Variants in DSPP observed in about 807,000 individuals in gnomAD.
DSPP encodes dentin sialophosphoprotein.
DSPP carries 28 observed loss-of-function variants against 29.1 expected under a neutral mutation model. That is an observed-to-expected ratio of 0.96 (90% CI 0.71 to 1.32). The LOEUF (loss-of-function observed/expected upper bound fraction) is 1.32, where lower values mean the gene tolerates loss of function less well. Among genes scored for constraint, DSPP ranks in the 40% most tolerant of loss-of-function variants. The pLI is 0.00. For synonymous variants in DSPP, 481 were observed against 503.4 expected, an observed-to-expected ratio of 0.96 and a Z score of 0.60; for missense variants, 1,281 against 1,629.9, an observed-to-expected ratio of 0.79 and a Z score of 3.69.
At position 87,613,245 on chromosome 4, in the gene DSPP, A is replaced by G. The variant is rs1310735029; in HGVS notation, c.1059A>G (p.Lys353=). The change falls in exon 4 of 5, where the codon AAA becomes AAG. Residue 353 remains lysine (K), a synonymous_variant. Transcript: ENST00000651931. ...AGAAGCTCAACCATAGAGAAAGCAAACGCGTAGAAAATAGAATCACCAAAG... is the reference window on the plus strand; with the variant it reads ...AGAAGCTCAACCATAGAGAAAGCAAGCGCGTAGAAAATAGAATCACCAAAG... ...DTQKLNHRES[K]RVENRITKES... 2 of 1,613,884 alleles carry G rather than the reference A, an allele frequency of 1.2e-6. No homozygotes were observed. The highest frequency in any genetic ancestry group is 8.5e-7 in the Non-Finnish European group (1 of 1,180,014).
intron 4 of DSPP, 64 bp downstream of exon 4, chr4:87,613,372 C>T (rs950422218): frequency 6.4e-7 from 1 of 1,559,796 alleles, no homozygotes; most frequent in South Asian, 1.1e-5. Flanking sequence ...TCTATTGATG[C>T]TAGCACAAAA....
rs772815616 is a variant in DSPP, at chr4:87,614,113, A to G, written c.1451A>G (p.Asn484Ser). The change falls in exon 5 of 5, where the codon AAC becomes AGC. Residue 484 changes from asparagine to serine, a missense_variant. Asn to Ser is a conservative substitution (Grantham distance 46, BLOSUM62 1). This residue lies in a region of DSPP where 631 missense variants were observed against 643.2 expected (regional missense o/e 0.98). Coordinates refer to ENST00000651931, the MANE Select transcript of DSPP (RefSeq NM_014208.3). ...GATGCTAATTCAGAAAGTGACAATA[A>G]CAGCAGTAGCCGAGGAGATGCTTCT... ...NDDANSESDN[N>S]SSSRGDASYN... The G allele has an allele frequency of 2.5e-6, 4 of 1,614,268 alleles. No individual in the cohort carries two copies. In the Admixed American group the frequency reaches 6.7e-5, roughly 27 times the overall value.
chr4:87,613,383 A>C, intron 4 of DSPP, 75 bp downstream of exon 4: 1 of 1,530,034 alleles, frequency 6.5e-7, no homozygotes, highest in Non-Finnish European at 9.0e-7. Flanking sequence ...TAGCACAAAA[A>C]TAAACCATGA....
At chr4:87,608,906 T>C (rs559587941) in intron 1 of DSPP, among the ~76,000 whole-genome samples, 1 of 152,340 alleles carries the variant, frequency 6.6e-6, no homozygotes, top group Admixed American at 6.5e-5. Flanking sequence ...TTAGTTTTGA[T>C]AAAAAATGAG....
intron 1 of DSPP, among the ~76,000 whole-genome samples, chr4:87,610,409 C>T (rs1727711693): frequency 6.6e-6 from 1 of 152,104 alleles, no homozygotes; most frequent in Non-Finnish European, 1.5e-5. Context: ...GAATACAAAC[C>T]CCGTATTCTT....
chr4:87,610,325 G>T, intron 1 of DSPP, among the ~76,000 whole-genome samples: 1 of 152,182 alleles, frequency 6.6e-6, no homozygotes, highest in Non-Finnish European at 1.5e-5. Context: ...TCCAGGTGGA[G>T]GGATAATAAA....
chr4:87,611,898 A>T (rs1727740754), intron 2 of DSPP, among the ~76,000 whole-genome samples: 1 of 152,112 alleles, frequency 6.6e-6, no homozygotes, highest in African/African-American at 2.4e-5. Context: ...ATATCCATGT[A>T]CCCAGTTTAA....
rs905226892 is a variant in DSPP at position 87,612,425 on chromosome 4, G to A, written c.239G>A (p.Gly80Glu). ...ENTQDGHKGE[G>E]NGSKWAEVGG... ...ACCCAAGATGGTCACAAGGGAGAAG[G>A]GAATGGCTCTAAGTGGGCAGAAGTA... Residue 80 changes from glycine (G) to glutamate (E), a missense_variant, in exon 4 of 5, where the codon GGG (glycine) becomes GAG (glutamate). Physicochemically the swap from Gly to Glu is moderately conservative, Grantham distance 98 (BLOSUM62 -2). This residue lies in a region of DSPP where 631 missense variants were observed against 643.2 expected (regional missense o/e 0.98). Coordinates refer to ENST00000651931, the MANE Select transcript of DSPP (RefSeq NM_014208.3). 1 of 1,613,990 alleles carries A rather than the reference G, an allele frequency of 6.2e-7. No individual in the cohort carries two copies. The highest frequency in any genetic ancestry group is 8.5e-7 in the Non-Finnish European group (1 of 1,179,952).
Position 87,614,638 on chromosome 4 carries a change from G to T in DSPP, c.1976G>T (p.Ser659Ile), listed in dbSNP as rs1727818421. ...AGTGACAACAGTGATAGCAGCGACAGCAGCAATAGCAGTAACAGCAGTGAT... is the reference window on the plus strand; with the variant it reads ...AGTGACAACAGTGATAGCAGCGACATCAGCAATAGCAGTAACAGCAGTGAT... ...DSSDNSDSSDSSNSSNSSDSS... is the reference protein window; with the variant it reads ...DSSDNSDSSDISNSSNSSDSS... Residue 659 changes from serine to isoleucine, a missense_variant, in exon 5 of 5, where the codon AGC (serine) becomes ATC (isoleucine). Ser to Ile is a moderately radical substitution (Grantham distance 142, BLOSUM62 -2). This residue lies in a region of DSPP where 444 missense variants were observed against 611.4 expected (regional missense o/e 0.73). Transcript: ENST00000651931. 1.9e-6 allele frequency: 3 copies of T among 1,543,786 alleles called. No homozygotes were observed. In the African/African-American group the frequency reaches 4.1e-5, roughly 21 times the overall value.
rs1473938162 is a variant in DSPP, at chr4:87,615,671, C to T, written c.3009C>T (p.Ser1003=). Residue 1003 remains serine (S), a synonymous_variant, in exon 5 of 5, where the codon AGC becomes AGT. Coordinates refer to ENST00000651931, the MANE Select transcript of DSPP (RefSeq NM_014208.3). The part of the protein sequence containing the change: ...DSSDSSDSSN[S]SDSSDSSDSS... The stretch of plus-strand genomic sequence containing the variant: ...GTGACAGCAGTGATAGCAGCAACAG[C>T]AGTGATAGCAGTGACAGCAGTGACA... 3 of 1,536,290 alleles carry T rather than the reference C, an allele frequency of 2.0e-6. No homozygotes were observed. Among genetic ancestry groups the T allele is most frequent in the African/African-American group, 2.8e-5 (2 of 72,306 alleles).
rs1727828672 is a variant in DSPP, at chr4:87,614,795, C to G, written c.2133C>G (p.Asp711Glu). ...ATAGTAGTGACAGCAGTGATAGTGA[C>G]AGCAGTGATAGTAGTGACAGCAGTA... ...SSDSSDSSDS[D>E]SSDSSDSSNS... Residue 711 changes from aspartate (D) to glutamate (E), a missense_variant, in exon 5 of 5, where the codon GAC becomes GAG. Asp to Glu is a conservative substitution (Grantham distance 45). Coordinates refer to ENST00000651931, the MANE Select transcript of DSPP (RefSeq NM_014208.3). 1.3e-6 allele frequency: 2 copies of G among 1,550,226 alleles called. No homozygotes were observed. The highest frequency in any genetic ancestry group is 2.4e-5 in the East Asian group (1 of 40,852).
Position 87,614,251 on chromosome 4 carries a change from G to T in DSPP, c.1589G>T (p.Gly530Val). 6.2e-7 allele frequency: 1 copy of T among 1,614,236 alleles called. No individual in the cohort carries two copies. The highest frequency in any genetic ancestry group is 8.5e-7 in the Non-Finnish European group (1 of 1,180,030). Residue 530 changes from glycine (G) to valine (V), a missense_variant, in exon 5 of 5, where the codon GGT becomes GTT. By Grantham distance (109) the Gly-to-Val change is moderately radical. This residue lies in a region of DSPP where 631 missense variants were observed against 643.2 expected (regional missense o/e 0.98). Coordinates refer to ENST00000651931, the MANE Select transcript of DSPP (RefSeq NM_014208.3). The stretch of plus-strand genomic sequence containing the variant: ...AATAATAGTGACAGTAATGGCAATG[G>T]TAACAATGGGAATGATGACAATGAC... ...DTNNSDSNGNGNNGNDDNDKS... is the reference protein window; with the variant it reads ...DTNNSDSNGNVNNGNDDNDKS...
Position 87,613,862 on chromosome 4 carries a change from G to C in DSPP, c.1200G>C (p.Glu400Asp). The C allele has an allele frequency of 1.9e-6, 3 of 1,614,168 alleles. No individual in the cohort carries two copies. Among genetic ancestry groups the C allele is most frequent in the Non-Finnish European group, 2.5e-6 (3 of 1,180,038 alleles). ...TTGGGAAAGGCAACGAAGGTAAAGAGGATAAAGGACAACATGGAATGATCT... is the reference window on the plus strand; with the variant it reads ...TTGGGAAAGGCAACGAAGGTAAAGACGATAAAGGACAACATGGAATGATCT... Reference protein sequence around the residue: ...KEVGKGNEGKEDKGQHGMILG... With the variant: ...KEVGKGNEGKDDKGQHGMILG... Residue 400 changes from glutamate (E) to aspartate (D), a missense_variant, in exon 5 of 5, where the codon GAG (glutamate) becomes GAC (aspartate). By Grantham distance (45) the Glu-to-Asp change is conservative. Coordinates refer to ENST00000651931, the MANE Select transcript of DSPP (RefSeq NM_014208.3).
chr4:87,611,110 A>AT (rs913829067), intron 2 of DSPP, 151 bp downstream of exon 2: 11 of 792,548 alleles, frequency 1.4e-5, no homozygotes, highest in African/African-American at 1.8e-5. Flanking sequence ...TGTTTCCTTA[A>AT]TTTTTTTTAA....
At chr4:87,610,172 C>T (rs902402926) in intron 1 of DSPP, among the ~76,000 whole-genome samples, 2 of 152,050 alleles carry the variant, frequency 1.3e-5, no homozygotes, top group African/African-American at 2.4e-5. Context: ...CAGTGCAATG[C>T]GTTACCAGTG....
Position 87,613,175 on chromosome 4 carries a change from CT to C in DSPP, c.990del (p.Gly331ValfsTer11), listed in dbSNP as rs1239459711. 1 of 1,614,072 alleles carries C rather than the reference CT, an allele frequency of 6.2e-7. No homozygotes were observed. The highest frequency in any genetic ancestry group is 2.2e-5 in the East Asian group (1 of 44,876). On this transcript the variant is annotated frameshift_variant, in exon 4 of 5. Transcript: ENST00000651931. LOFTEE classifies it high-confidence loss of function. ...DKTSKSEENS[A>X]GIPEDNGSQR... ...ACCTCCAAGAGTGAGGAGAATTCTG[CT>C]GGTATTCCAGAAGACAATGGCAGCC...
chr4:87,613,973 A>G lies in DSPP; in HGVS notation c.1311A>G (p.Gly437=), dbSNP rs1210912155. 1.2e-6 allele frequency: 2 copies of G among 1,614,118 alleles called. No homozygotes were observed. The highest frequency in any genetic ancestry group is 2.7e-5 in the African/African-American group (2 of 74,946). ...AATCAGAACCAGGAAATAAAGTTGGACACAGCAATACAGGTAGTGACAGCA... is the reference window on the plus strand; with the variant it reads ...AATCAGAACCAGGAAATAAAGTTGGGCACAGCAATACAGGTAGTGACAGCA... The part of the protein sequence containing the change: ...GQKSEPGNKV[G]HSNTGSDSNS... The change falls in exon 5 of 5, where the codon GGA becomes GGG. Residue 437 remains glycine, a synonymous_variant. Coordinates refer to ENST00000651931, the MANE Select transcript of DSPP (RefSeq NM_014208.3).
In DSPP at chr4:87,613,326, A is replaced by T. The variant is rs1222221607; in HGVS notation, c.1122+18A>T. 3.1e-6 allele frequency: 5 copies of T among 1,612,562 alleles called. No homozygotes were observed. Among genetic ancestry groups the T allele is most frequent in the East Asian group, 4.5e-5 (2 of 44,874 alleles). ...AAGATAAGGTTAGTTTGTAAAGCTG[A>T]TTTCTTTCAATGGCAGTTTAAATTC... On this transcript the variant is annotated intron_variant, in intron 4 of 4. Transcript: ENST00000651931.
Position 87,616,610 on chromosome 4 carries a change from G to T in DSPP, c.*42G>T, listed in dbSNP as rs1313668854. The T allele has an allele frequency of 6.4e-7, 1 of 1,551,656 alleles. No individual in the cohort carries two copies. The highest frequency in any genetic ancestry group is 8.7e-7 in the Non-Finnish European group (1 of 1,146,982). ...GTAAGATTCCTTTTGTGAAAAGTTT[G>T]GTAATGGGATAGGAAAAAAAGATTT... On this transcript the variant is annotated 3_prime_UTR_variant, in exon 5 of 5. Transcript: ENST00000651931.
Sources: gnomAD v4.1 joint callset for allele counts (sites outside exome capture counted in the v4.1 genomes callset) on GRCh38, gnomAD v4.1.1 for gene constraint, gnomAD v4.1.1 regional missense constraint, MANE v1.5 for transcripts, NCBI Gene and HGNC (gene_info 2026-07-23, HGNC 2026-07-21) for gene names.